RPRD1A: variants seen among roughly 807,000 people sequenced by gnomAD.
RPRD1A encodes the protein regulation of nuclear pre-mRNA domain containing 1A.
RPRD1A carries 9 observed loss-of-function variants against 37.8 expected under a neutral mutation model. That is an observed-to-expected ratio of 0.24 (90% CI 0.14 to 0.42). The LOEUF (loss-of-function observed/expected upper bound fraction) is 0.42. RPRD1A is among the 10% of genes least tolerant of loss of function. The pLI is 1.00. For synonymous variants in RPRD1A, 138 were observed against 139.7 expected, an observed-to-expected ratio of 0.99 and a Z score of 0.08; for missense variants, 255 against 371.0, an observed-to-expected ratio of 0.69 and a Z score of 2.57.
intron 1 of RPRD1A, among the ~76,000 whole-genome samples, chr18:36,048,236 T>G (rs894847118): frequency 6.6e-6 from 1 of 152,054 alleles, no homozygotes; most frequent in African/African-American, 2.4e-5. Context: ...CTGGCTAATT[T>G]TGTATTTTTA....
intron 4 of RPRD1A, 35 bp downstream of exon 4, chr18:36,030,773 A>T: frequency 7.6e-6 from 10 of 1,309,714 alleles, no homozygotes; most frequent in Non-Finnish European, 1.1e-5. Context: ...ATGAAGTAAA[A>T]GTTTGTAACT....
intron 6 of RPRD1A, among the ~76,000 whole-genome samples, chr18:36,016,721 C>A (rs1232427215): frequency 6.6e-6 from 1 of 152,098 alleles, no homozygotes; most frequent in African/African-American, 2.4e-5. Context: ...AAGCACTGTT[C>A]TTCAATAGCA....
chr18:35,994,282 C>T (rs376283834), intron 6 of RPRD1A, among the ~76,000 whole-genome samples: 1 of 152,110 alleles, frequency 6.6e-6, no homozygotes, highest in South Asian at 2.1e-4. Context: ...AGAGGACCAT[C>T]CTAGAGAGTG....
chr18:36,029,754 T>C (rs555063356), intron 4 of RPRD1A, among the ~76,000 whole-genome samples: 16 of 152,094 alleles, frequency 1.1e-4, no homozygotes, highest in African/African-American at 3.9e-4. Flanking sequence ...CAGAATTACA[T>C]AGTTCTATAT....
In RPRD1A at chr18:36,043,113, A is replaced by G. The variant is rs185908773; in HGVS notation, c.152-9276T>C. On this transcript the variant is annotated intron_variant, in intron 1 of 6. Transcript: ENST00000399022. The stretch of plus-strand genomic sequence containing the variant: ...GCGATTGATGTATTGATATGGAAAA[A>G]TATCAAAGACATAGTATTAAGTTAC... Among the ~76,000 whole-genome samples, 464 of 150,188 alleles carry G rather than the reference A, an allele frequency of 3.1e-3. 1 individual carries two copies. Among genetic ancestry groups the G allele is most frequent in the African/African-American group, 0.011 (453 of 40,972 alleles).
chr18:36,007,651 A>T (rs1205905932), intron 6 of RPRD1A, among the ~76,000 whole-genome samples: 1 of 152,184 alleles, frequency 6.6e-6, no homozygotes, highest in African/African-American at 2.4e-5. Context: ...ACTAAAAACT[A>T]AATTCTGGCC....
intron 4 of RPRD1A, chr18:36,027,873 T>C (rs1045054338): frequency 1.3e-5 from 2 of 152,206 alleles, no homozygotes; most frequent in Admixed American, 1.3e-4. Flanking sequence ...AAGTATCCTA[T>C]GGCTTGTTAA....
intron 6 of RPRD1A, among the ~76,000 whole-genome samples, chr18:36,012,415 C>T (rs1457418010): frequency 6.6e-6 from 1 of 152,186 alleles, no homozygotes; most frequent in Non-Finnish European, 1.5e-5. Flanking sequence ...AAAATGGCCT[C>T]AGGGCCTTCA....
rs185159162 is a variant in RPRD1A, at chr18:36,034,490, G to A, written c.152-653C>T. Among the ~76,000 whole-genome samples, 7 of 152,138 alleles carry A rather than the reference G, an allele frequency of 4.6e-5. No homozygotes were observed. The East Asian group carries it at 1.2e-3, about 25-fold the overall frequency. Reference sequence around the variant, plus strand: ...AAATAGACAAGATTTCAACAGTTGTGGGCCACAGTACATTTTTACTGGTTA... The same window carrying A: ...AAATAGACAAGATTTCAACAGTTGTAGGCCACAGTACATTTTTACTGGTTA... On this transcript the variant is annotated intron_variant, in intron 1 of 6. Coordinates refer to ENST00000399022, the MANE Select transcript of RPRD1A (RefSeq NM_018170.5).
chr18:36,014,188 C>A (rs1910352354), intron 6 of RPRD1A, among the ~76,000 whole-genome samples: 1 of 151,952 alleles, frequency 6.6e-6, no homozygotes, highest in Non-Finnish European at 1.5e-5. Context: ...TAAAAATAAA[C>A]AAATAAAAAA....
intron 1 of RPRD1A, among the ~76,000 whole-genome samples, chr18:36,066,890 C>T (rs2089041667): frequency 6.6e-6 from 1 of 152,182 alleles, no homozygotes; most frequent in African/African-American, 2.4e-5. Flanking sequence ...CCACACCAAT[C>T]TTTTTCTTTC....
At chr18:36,060,998 G>A (rs2088897631) in intron 1 of RPRD1A, among the ~76,000 whole-genome samples, 1 of 152,050 alleles carries the variant, frequency 6.6e-6, no homozygotes, top group South Asian at 2.1e-4. Context: ...AAAGTTAACA[G>A]GCATTCAAAG....
At chr18:36,017,127 C>T (rs1017805749) in intron 6 of RPRD1A, among the ~76,000 whole-genome samples, 1 of 152,046 alleles carries the variant, frequency 6.6e-6, no homozygotes. Context: ...CTGGGCAACA[C>T]GGTGAAACAC....
intron 1 of RPRD1A, among the ~76,000 whole-genome samples, chr18:36,052,171 A>AC (rs1568148631): frequency 6.6e-6 from 1 of 151,000 alleles, no homozygotes; most frequent in African/African-American, 2.4e-5. Context: ...AAAAAAAAAA[A>AC]CTGTCAACCA....
At position 36,067,352 on chromosome 18, in the gene RPRD1A, T is replaced by C. The variant is rs1389798761; in HGVS notation, c.53A>G (p.Asn18Ser). 2 of 1,608,314 alleles carry C rather than the reference T, an allele frequency of 1.2e-6. No homozygotes were observed. Among genetic ancestry groups the C allele is most frequent in the Non-Finnish European group, 1.7e-6 (2 of 1,177,720 alleles). Residue 18 changes from asparagine (N) to serine (S), a missense_variant, in exon 1 of 7, where the codon AAC becomes AGC. Physicochemically the swap from Asn to Ser is conservative, Grantham distance 46. Transcript: ENST00000399022. ...ALEKKLSELS[N>S]SQQSVQTLSL... ...CAAGGTCTGCACGCTCTGCTGCGAG[T>C]TGCTCAACTCCGACAGCTTCTTCTC...
At chr18:36,012,749 T>C (rs1185554971) in intron 6 of RPRD1A, among the ~76,000 whole-genome samples, 1 of 152,220 alleles carries the variant, frequency 6.6e-6, no homozygotes, top group African/African-American at 2.4e-5. Context: ...AAACATGCCC[T>C]GAGGATAAGC....
At chr18:36,033,310 A>C (rs1020523069) in intron 2 of RPRD1A, among the ~76,000 whole-genome samples, 1 of 149,892 alleles carries the variant, frequency 6.7e-6, no homozygotes, top group Non-Finnish European at 1.5e-5. Flanking sequence ...AAAAAAAAAA[A>C]AAAAAAAAAA....
intron 6 of RPRD1A, among the ~76,000 whole-genome samples, chr18:36,015,410 A>T (rs752525435): frequency 5.9e-5 from 9 of 151,912 alleles, no homozygotes; most frequent in Admixed American, 1.3e-4. Context: ...GCAGGGTTTC[A>T]CCATGTTGGC....
chr18:36,042,623 C>T (rs1282272024), intron 1 of RPRD1A, among the ~76,000 whole-genome samples: 5 of 152,074 alleles, frequency 3.3e-5, no homozygotes, highest in Non-Finnish European at 7.4e-5. Context: ...TTTCATTTTC[C>T]TTCCTTCACT....
Sources: gnomAD v4.1 joint callset for allele counts (sites outside exome capture counted in the v4.1 genomes callset) on GRCh38, gnomAD v4.1.1 for gene constraint, MANE v1.5 for transcripts, NCBI Gene and HGNC (gene_info 2026-07-23, HGNC 2026-07-21) for gene names.